NRDC: variants seen among roughly 807,000 people sequenced by gnomAD.
NRDC encodes nardilysin.
A neutral mutation model predicts 147.1 loss-of-function variants in NRDC; 54 were observed. The observed-to-expected ratio is 0.37, with a 90% CI of 0.29 to 0.46. The LOEUF (loss-of-function observed/expected upper bound fraction) is 0.46, where lower values mean the gene tolerates loss of function less well. Among genes scored for constraint, NRDC ranks in the 20% least tolerant of loss-of-function variants. The pLI is 1.00. For synonymous variants in NRDC, 440 were observed against 482.1 expected (o/e 0.91, Z 1.14); for missense variants, 1,082 against 1,370.6 (o/e 0.79, Z 3.33).
At position 51,798,426 on chromosome 1, in the gene NRDC, G is replaced by GAAAA; in HGVS notation, c.2442-19_2442-16dup. 1 of 1,547,980 alleles carries GAAAA rather than the reference G, an allele frequency of 6.5e-7. No homozygotes were observed. Among genetic ancestry groups the GAAAA allele is most frequent in the African/African-American group, 1.4e-5 (1 of 72,122 alleles). On this transcript the variant is annotated splice_polypyrimidine_tract_variant and intron_variant, in intron 21 of 30. Coordinates refer to ENST00000352171, the MANE Select transcript of NRDC (RefSeq NM_001101662.2). The stretch of plus-strand genomic sequence containing the variant: ...GCCGTACATCTCTGTACAGAGGGCA[G>GAAAA]AAAAAAAACACTCAAAGTTTTGTTA...
chr1:51,848,637 C>T (rs1392964215), intron 1 of NRDC, among the ~76,000 whole-genome samples: 1 of 152,086 alleles, frequency 6.6e-6, no homozygotes, highest in Non-Finnish European at 1.5e-5. Context: ...AATCAAAGAA[C>T]TATAAACAAA....
intron 2 of NRDC, chr1:51,837,433 A>T: frequency 7.0e-7 from 1 of 1,423,624 alleles, no homozygotes; most frequent in Admixed American, 2.2e-5. Flanking sequence ...GGGAATATCC[A>T]GTTCTTCAAA....
At chr1:51,859,476 G>A (rs979429458) in intron 1 of NRDC, among the ~76,000 whole-genome samples, 52 of 152,374 alleles carry the variant, frequency 3.4e-4, no homozygotes, top group African/African-American at 1.1e-3. Context: ...CTGCAAGGCA[G>A]AATCAAGCCC....
chr1:51,819,298 C>CA (rs200262192), intron 9 of NRDC, among the ~76,000 whole-genome samples: 211 of 97,854 alleles, frequency 2.2e-3, no homozygotes, highest in South Asian at 5.5e-3. Flanking sequence ...ACTCTGTCTC[C>CA]AAAAAAAAAA....
chr1:51,871,420 G>A (rs541545857), intron 1 of NRDC, among the ~76,000 whole-genome samples: 59 of 145,406 alleles, frequency 4.1e-4, no homozygotes, highest in Non-Finnish European at 6.3e-4. Context: ...ATAATTTCTC[G>A]AGTCTCCAAA....
chr1:51,814,714 C>T lies in NRDC; in HGVS notation c.1539G>A (p.Glu513=), dbSNP rs748407208. Reference sequence around the variant, plus strand: ...TTACCTCATAAAAATGTTCATAACCCTCATCAGTCAATGTAATAGAAATGC... The same window carrying T: ...TTACCTCATAAAAATGTTCATAACCTTCATCAGTCAATGTAATAGAAATGC... ...VFSISITLTD[E]GYEHFYEVAY... is the part of the protein sequence containing the mutation. The change falls in exon 12 of 31, where the codon GAG becomes GAA. Residue 513 remains glutamate (E), a synonymous_variant. Transcript: ENST00000352171. The T allele has an allele frequency of 8.1e-6, 13 of 1,610,286 alleles. No homozygotes were observed. In the Admixed American group the frequency reaches 1.7e-4, roughly 21 times the overall value.
At chr1:51,864,691 C>T (rs571804923) in intron 1 of NRDC, among the ~76,000 whole-genome samples, 4 of 152,010 alleles carry the variant, frequency 2.6e-5, no homozygotes, top group Admixed American at 6.6e-5. Context: ...GTGGCTCACA[C>T]CTATAATCCC....
At chr1:51,801,617 A>T (rs1679206508) in intron 20 of NRDC, among the ~76,000 whole-genome samples, 1 of 152,006 alleles carries the variant, frequency 6.6e-6, no homozygotes, top group African/African-American at 2.4e-5. Flanking sequence ...AAGGAAAAAT[A>T]TTTTTTCCAA....
chr1:51,823,799 G>GA lies in NRDC; in HGVS notation c.1037-14dup. The GA allele has an allele frequency of 1.3e-6, 2 of 1,564,466 alleles. No homozygotes were observed. Among genetic ancestry groups the GA allele is most frequent in the Non-Finnish European group, 1.7e-6 (2 of 1,154,024 alleles). ...GTCTCAGCATTTCCTATAAAAGAAT[G>GA]AAAAAAATTATAGATATAACTAAGT... On this transcript the variant is annotated splice_polypyrimidine_tract_variant and intron_variant, in intron 6 of 30. Coordinates refer to ENST00000352171, the MANE Select transcript of NRDC (RefSeq NM_001101662.2).
chr1:51,844,821 GGAAGGAAGGAAGGAAGGA>G (rs1681464048), intron 1 of NRDC, among the ~76,000 whole-genome samples: 2 of 814 alleles, frequency 2.5e-3, no homozygotes, highest in Non-Finnish European at 9.1e-3. Flanking sequence ...GAGGAAAGAA[GGAAGGAAGGAAGGAAGGA>G]AGGAAGGAAG....
intron 20 of NRDC, 32 bp downstream of exon 20, chr1:51,803,782 C>G (rs1331581906): frequency 6.4e-7 from 1 of 1,571,424 alleles, no homozygotes; most frequent in Admixed American, 1.8e-5. Flanking sequence ...TTTTAATGCT[C>G]TCTATAAGGA....
At position 51,878,295 on chromosome 1, in the gene NRDC, G is replaced by T; in HGVS notation, c.321C>A (p.Pro107=). ...CTCACCGGTATTGCTTGGGGTCGCT[G>T]GGAGACTTGACGATCTCAGGGTCCC... ...NAGDPEIVKS[P]SDPKQYRYIK... is the part of the protein sequence containing the mutation. The change falls in exon 1 of 31, where the codon CCC becomes CCA. Residue 107 remains proline, a synonymous_variant. Coordinates refer to ENST00000352171, the MANE Select transcript of NRDC (RefSeq NM_001101662.2). 1.2e-6 allele frequency: 2 copies of T among 1,613,320 alleles called. No homozygotes were observed. The highest frequency in any genetic ancestry group is 8.5e-7 in the Non-Finnish European group (1 of 1,179,456).
chr1:51,825,229 T>G, intron 6 of NRDC, 58 bp downstream of exon 6: 1 of 1,138,688 alleles, frequency 8.8e-7, no homozygotes, highest in Non-Finnish European at 1.3e-6. Context: ...TATCAACTTT[T>G]CTTATTCTAA....
Position 51,825,488 on chromosome 1 carries a change from T to G in NRDC, c.941-106A>C. 8.2e-6 allele frequency: 7 copies of G among 848,558 alleles called. No individual in the cohort carries two copies. In the South Asian group the frequency reaches 9.4e-5, roughly 11 times the overall value. The allele number at this position is 848,558 out of a possible 1,614,324, so 52.6% of individuals were successfully genotyped here. ...AAAGCAAGGAATTAACAAAATTAAC[T>G]TCATGAATCACGTGTTATAAGACTG... On this transcript the variant is annotated intron_variant, in intron 5 of 30. Transcript: ENST00000352171.
chr1:51,844,813 G>C (rs534557345), intron 1 of NRDC, among the ~76,000 whole-genome samples: 1,653 of 75,506 alleles, frequency 0.022, 46 homozygotes, highest in Non-Finnish European at 0.034. Context: ...GAGGGAGGGA[G>C]GAAAGAAGGA....
intron 1 of NRDC, among the ~76,000 whole-genome samples, chr1:51,845,427 CTA>C (rs1256095674): frequency 6.6e-6 from 1 of 152,144 alleles, no homozygotes; most frequent in Non-Finnish European, 1.5e-5. Flanking sequence ...AAACCCGACT[CTA>C]TTAAGAATAC....
intron 17 of NRDC, among the ~76,000 whole-genome samples, chr1:51,808,714 C>G (rs1480209324): frequency 6.6e-6 from 1 of 152,138 alleles, no homozygotes; most frequent in Admixed American, 6.6e-5. Flanking sequence ...AACTCTAAAA[C>G]CTTGGACCTA....
chr1:51,868,938 A>G (rs1264812374), intron 1 of NRDC, among the ~76,000 whole-genome samples: 1 of 152,172 alleles, frequency 6.6e-6, no homozygotes, highest in African/African-American at 2.4e-5. Flanking sequence ...TAGAATAATT[A>G]TGGAGAATTC....
At chr1:51,812,285 G>A (rs145647091) in intron 14 of NRDC, among the ~76,000 whole-genome samples, 187 bp from the exon 15 acceptor site, 94 of 152,330 alleles carry the variant, frequency 6.2e-4, no homozygotes, top group African/African-American at 2.0e-3. Context: ...GCTCACGCCT[G>A]TAATCCCAGC....
Sources: allele counts gnomAD v4.1 joint callset (sites outside exome capture counted in the v4.1 genomes callset), GRCh38; gene constraint gnomAD v4.1.1; transcripts MANE v1.5; gene names NCBI Gene and HGNC (gene_info 2026-07-23, HGNC 2026-07-21).